NBAS: variants seen among roughly 807,000 people sequenced by gnomAD.
NBAS encodes NBAS subunit of NRZ tethering complex.
A neutral mutation model predicts 302.5 loss-of-function variants in NBAS; 219 were observed. That is an observed-to-expected ratio of 0.72 (90% CI 0.65 to 0.81). The LOEUF is 0.81. NBAS is among the 30% of genes least tolerant of loss of function. The pLI is 0.00. For synonymous variants in NBAS, 1,118 were observed against 1,021.6 expected, an observed-to-expected ratio of 1.09 and a Z score of -1.80; for missense variants, 2,932 against 2,841.6, an observed-to-expected ratio of 1.03 and a Z score of -0.72.
chr2:15,341,986 G>A (rs1672875324), intron 35 of NBAS, among the ~76,000 whole-genome samples: 1 of 152,148 alleles, frequency 6.6e-6, no homozygotes, highest in South Asian at 2.1e-4. Flanking sequence ...AGGCAATACT[G>A]TCCAAAAAAC....
chr2:14,998,773 A>G, the NBAS span, among the ~76,000 whole-genome samples: 2 of 152,170 alleles, frequency 1.3e-5, no homozygotes, highest in African/African-American at 4.8e-5. Flanking sequence ...CCTGTCTTTT[A>G]TGCAATTAAA....
rs200882919 is a variant in NBAS, at chr2:15,190,395, T to G, written c.6441A>C (p.Ile2147=). 6.2e-7 allele frequency: 1 copy of G among 1,613,936 alleles called. No homozygotes were observed. The highest frequency in any genetic ancestry group is 8.5e-7 in the Non-Finnish European group (1 of 1,179,872). Reference sequence around the variant, plus strand: ...GGTTCTCTTCATTCTCAATGTCAGCTATGTCTACCTGGAAGAAGAAATACA... The same window carrying G: ...GGTTCTCTTCATTCTCAATGTCAGCGATGTCTACCTGGAAGAAGAAATACA... ...KASWPQRQVD[I]ADIENEENRY... Residue 2147 remains isoleucine (I), a synonymous_variant, in exon 49 of 52, where the codon ATA becomes ATC. Coordinates refer to ENST00000281513, the MANE Select transcript of NBAS (RefSeq NM_015909.4).
At chr2:14,927,128 G>T in the NBAS span, among the ~76,000 whole-genome samples, 3 of 152,198 alleles carry the variant, frequency 2.0e-5, no homozygotes, top group Non-Finnish European at 4.4e-5. Flanking sequence ...CCTCTACCTG[G>T]TTTCCCAGCA....
chr2:15,416,763 G>A (rs182825058), intron 24 of NBAS, among the ~76,000 whole-genome samples: 10 of 149,024 alleles, frequency 6.7e-5, no homozygotes, highest in African/African-American at 2.2e-4. Flanking sequence ...CCAAGATCAC[G>A]TCACTGCACT....
chr2:14,967,950 G>A, the NBAS span, among the ~76,000 whole-genome samples: 1 of 152,094 alleles, frequency 6.6e-6, no homozygotes, highest in East Asian at 1.9e-4. Flanking sequence ...TTTGGCACTG[G>A]CAAGAGTTAA....
rs35295359 is a variant in NBAS at position 15,292,717 on chromosome 2, T to C, written c.4847A>G (p.His1616Arg). ...GTCTTCAGGCCAGGCTTCGTGCTCA[T>C]GTCGAGTCACATGCCTGGTGACCAT... is the stretch of plus-strand genomic sequence containing the variant. Reference protein sequence around the residue: ...IKMVTRHVTRHEHEAWPEDLI... With the variant: ...IKMVTRHVTRREHEAWPEDLI... The change falls in exon 41 of 52, where the codon CAT (histidine) becomes CGT (arginine). Residue 1616 changes from histidine (H) to arginine (R), a missense_variant. Transcript: ENST00000281513. The C allele has an allele frequency of 6.8e-4, 1,103 of 1,614,216 alleles. 3 individuals carry two copies. In the African/African-American group the frequency reaches 0.012, roughly 17 times the overall value.
chr2:15,478,270 T>G lies in NBAS; in HGVS notation c.1103A>C (p.Asn368Thr). The G allele has an allele frequency of 6.2e-7, 1 of 1,611,620 alleles. No individual in the cohort carries two copies. The highest frequency in any genetic ancestry group is 8.5e-7 in the Non-Finnish European group (1 of 1,177,924). ...QNEQPGYDDL[N>T]PDWRLSTEKR... ...CTCAGTAGAGAGCCTCCAATCAGGA[T>G]TAAGGTCATCATAGCCTGGCTAAAT... Residue 368 changes from asparagine to threonine, a missense_variant, in exon 13 of 52, where the codon AAT becomes ACT. Asn to Thr is a moderately conservative substitution (Grantham distance 65). Coordinates refer to ENST00000281513, the MANE Select transcript of NBAS (RefSeq NM_015909.4).
chr2:15,425,355 C>A (rs1014039739), intron 22 of NBAS, among the ~76,000 whole-genome samples: 2 of 152,164 alleles, frequency 1.3e-5, no homozygotes, highest in African/African-American at 4.8e-5. Flanking sequence ...GCTGTGAAAC[C>A]TGCAAATTCC....
intron 28 of NBAS, among the ~76,000 whole-genome samples, chr2:15,390,531 TG>T (rs1260091294): frequency 6.6e-6 from 1 of 152,124 alleles, no homozygotes; most frequent in Non-Finnish European, 1.5e-5. Context: ...CTGTACACCA[TG>T]AGAACTATAC....
chr2:14,842,410 A>C, the NBAS span, among the ~76,000 whole-genome samples: 1 of 151,974 alleles, frequency 6.6e-6, no homozygotes, highest in South Asian at 2.1e-4. Context: ...AAACAAAATT[A>C]ATAAACTTTC....
intron 35 of NBAS, among the ~76,000 whole-genome samples, chr2:15,340,705 G>C (rs1672807708): frequency 6.6e-6 from 1 of 152,034 alleles, no homozygotes; most frequent in Non-Finnish European, 1.5e-5. Context: ...TATGACCTAG[G>C]GTATCTAACA....
At chr2:15,318,786 A>G (rs1220032007) in intron 38 of NBAS, among the ~76,000 whole-genome samples, 1 of 152,184 alleles carries the variant, frequency 6.6e-6, no homozygotes, top group Non-Finnish European at 1.5e-5. Flanking sequence ...TTAGACTCCC[A>G]CACACTAATA....
At chr2:15,403,059 T>C (rs893420238) in intron 25 of NBAS, among the ~76,000 whole-genome samples, 1 of 150,340 alleles carries the variant, frequency 6.7e-6, no homozygotes, top group Admixed American at 6.7e-5. Context: ...TTTGCATGCT[T>C]ATATTATTAG....
chr2:14,919,409 G>A, the NBAS span, among the ~76,000 whole-genome samples: 6 of 152,280 alleles, frequency 3.9e-5, no homozygotes, highest in South Asian at 2.1e-4. Context: ...ATCCTGCCTC[G>A]AAGTTGATGG....
chr2:14,966,747 G>A, the NBAS span, among the ~76,000 whole-genome samples: 1 of 152,082 alleles, frequency 6.6e-6, no homozygotes, highest in Non-Finnish European at 1.5e-5. Context: ...AGCAAGACAG[G>A]GCTGTCCACT....
the NBAS span, among the ~76,000 whole-genome samples, chr2:14,859,057 A>G: frequency 6.6e-6 from 1 of 152,086 alleles, no homozygotes; most frequent in African/African-American, 2.4e-5. Flanking sequence ...AATCTGAAAA[A>G]CAAATCAAGA....
At chr2:14,964,419 G>T in the NBAS span, among the ~76,000 whole-genome samples, 1 of 152,098 alleles carries the variant, frequency 6.6e-6, no homozygotes. Flanking sequence ...AGAAGAAACT[G>T]GAATGGCATA....
chr2:15,018,519 A>C, the NBAS span, among the ~76,000 whole-genome samples: 1 of 152,192 alleles, frequency 6.6e-6, no homozygotes, highest in African/African-American at 2.4e-5. Context: ...TGAAGTTTGA[A>C]ACCATTTATA....
the NBAS span, among the ~76,000 whole-genome samples, chr2:14,865,598 C>A: frequency 1.3e-5 from 2 of 152,142 alleles, no homozygotes; most frequent in Non-Finnish European, 2.9e-5. Context: ...CTCTGAAGTG[C>A]AAAATCATCT....
Sources: gnomAD v4.1 joint callset for allele counts (sites outside exome capture counted in the v4.1 genomes callset) on GRCh38, gnomAD v4.1.1 for gene constraint, MANE v1.5 for transcripts, NCBI Gene and HGNC (gene_info 2026-07-23, HGNC 2026-07-21) for gene names.